PIK3C2G: variants seen among roughly 807,000 people sequenced by gnomAD.
PIK3C2G encodes the protein phosphatidylinositol-4-phosphate 3-kinase catalytic subunit type 2 gamma, also known as phosphatidylinositol 3-kinase C2 domain-containing subunit gamma.
A neutral mutation model predicts 181.1 loss-of-function variants in PIK3C2G; 168 were observed. The observed-to-expected ratio is 0.93, with a 90% confidence interval of 0.82 to 1.05. The LOEUF (loss-of-function observed/expected upper bound fraction) is 1.05. Among genes scored for constraint, PIK3C2G ranks in the 50% least tolerant of loss-of-function variants. The probability of loss-of-function intolerance (pLI) is 0.00; values close to 1 mark genes in which losing one functional copy is unlikely to be tolerated. For missense variants in PIK3C2G, 1,869 were observed against 1,732.8 expected (o/e 1.08, Z -1.40); for synonymous variants, 573 against 592.2 (o/e 0.97, Z 0.47).
intron 5 of PIK3C2G, among the ~76,000 whole-genome samples, chr12:18,296,306 C>A (rs556293820): frequency 1.1e-4 from 16 of 152,158 alleles, no homozygotes; most frequent in African/African-American, 3.9e-4. Context: ...TAAAGTGTCA[C>A]CTGAGGATGT....
Position 18,563,388 on chromosome 12 carries a change from C to A in PIK3C2G, c.3792C>A (p.Ile1264=), listed in dbSNP as rs756898812. The A allele has an allele frequency of 1.2e-6, 2 of 1,611,806 alleles. No individual in the cohort carries two copies. The highest frequency in any genetic ancestry group is 1.7e-6 in the Non-Finnish European group (2 of 1,178,740). The change falls in exon 28 of 33, where the codon ATC becomes ATA. Residue 1264 remains isoleucine (I), a synonymous_variant. Coordinates refer to ENST00000538779, the MANE Select transcript of PIK3C2G (RefSeq NM_001288772.2). ...FSKKSSNLYL[I]QVTHSNNETS... is the part of the protein sequence containing the mutation. Reference sequence around the variant, plus strand: ...TTTACTTTCTGCAGCTGTATCTGATCCAGGTGACACACAGCAACAACGAAA... The same window carrying A: ...TTTACTTTCTGCAGCTGTATCTGATACAGGTGACACACAGCAACAACGAAA...
intron 13 of PIK3C2G, among the ~76,000 whole-genome samples, chr12:18,378,792 T>G (rs1325303308): frequency 6.6e-6 from 1 of 152,076 alleles, no homozygotes; most frequent in African/African-American, 2.4e-5. Context: ...ATCACAGAAA[T>G]GCAAATCAAA....
chr12:18,721,997 A>T, the PIK3C2G span, among the ~76,000 whole-genome samples: 2 of 151,952 alleles, frequency 1.3e-5, no homozygotes, highest in Non-Finnish European at 2.9e-5. Flanking sequence ...TCTCTCTCTC[A>T]TTCTCAAAGT....
chr12:18,667,141 G>T, the PIK3C2G span, among the ~76,000 whole-genome samples: 1 of 152,046 alleles, frequency 6.6e-6, no homozygotes, highest in African/African-American at 2.4e-5. Flanking sequence ...TATTGAAAGG[G>T]GTCTCAAATA....
At chr12:18,592,131 T>C (rs1057232249) in intron 29 of PIK3C2G, among the ~76,000 whole-genome samples, 4 of 151,824 alleles carry the variant, frequency 2.6e-5, no homozygotes, top group Non-Finnish European at 4.4e-5. Flanking sequence ...AAAGATATTT[T>C]GAGATAGAAG....
intron 1 of PIK3C2G, among the ~76,000 whole-genome samples, chr12:18,275,030 T>C (rs1258374698): frequency 6.6e-6 from 1 of 152,218 alleles, no homozygotes; most frequent in Non-Finnish European, 1.5e-5. Flanking sequence ...CCAGTATTTA[T>C]TTTTAAAAGT....
intron 1 of PIK3C2G, among the ~76,000 whole-genome samples, chr12:18,269,912 CTTT>C (rs367550750): frequency 7.3e-6 from 1 of 136,926 alleles, no homozygotes. Flanking sequence ...TTTTTCTTTT[CTTT>C]TTTTTTTTTT....
At chr12:18,579,718 C>A (rs935413136) in intron 29 of PIK3C2G, among the ~76,000 whole-genome samples, 5 of 151,998 alleles carry the variant, frequency 3.3e-5, no homozygotes, top group Non-Finnish European at 7.4e-5. Flanking sequence ...AGCTTTTTTT[C>A]TTTCAGTGTT....
chr12:18,686,872 T>G, the PIK3C2G span, among the ~76,000 whole-genome samples: 1 of 152,094 alleles, frequency 6.6e-6, no homozygotes, highest in Non-Finnish European at 1.5e-5. Context: ...ATGAACCAAA[T>G]TGAATTTCTG....
chr12:18,252,535 CA>C (rs1948105213), intron 1 of PIK3C2G, among the ~76,000 whole-genome samples: 1 of 152,042 alleles, frequency 6.6e-6, no homozygotes, highest in South Asian at 2.1e-4. Context: ...AATGAAAACC[CA>C]AAGAAATAGA....
chr12:18,295,502 C>T (rs542095386), intron 5 of PIK3C2G, among the ~76,000 whole-genome samples: 138 of 150,790 alleles, frequency 9.2e-4, no homozygotes, highest in African/African-American at 3.3e-3. Context: ...GACAGAAATT[C>T]GGAAAAGTAT....
intron 28 of PIK3C2G, among the ~76,000 whole-genome samples, chr12:18,564,340 G>T (rs1304179664): frequency 3.3e-5 from 5 of 151,476 alleles, no homozygotes; most frequent in African/African-American, 1.2e-4. Context: ...AGGTTAATCA[G>T]ATGTTTTATC....
chr12:18,631,818 A>G (rs1423033509), intron 31 of PIK3C2G, among the ~76,000 whole-genome samples: 2 of 152,160 alleles, frequency 1.3e-5, no homozygotes, highest in Non-Finnish European at 2.9e-5. Context: ...TGGAACAGTG[A>G]GGAGGAATAG....
chr12:18,417,483 A>T (rs2135679590), intron 16 of PIK3C2G, among the ~76,000 whole-genome samples: 1 of 152,242 alleles, frequency 6.6e-6, no homozygotes, highest in African/African-American at 2.4e-5. Context: ...TTCAAGCTTC[A>T]TTGTTGCCTT....
At chr12:18,611,234 A>G (rs1383414928) in intron 31 of PIK3C2G, among the ~76,000 whole-genome samples, 3 of 152,072 alleles carry the variant, frequency 2.0e-5, no homozygotes, top group Admixed American at 6.5e-5. Context: ...GTTATAGGTA[A>G]ATAGAAAATG....
chr12:18,616,645 C>G (rs1238327108), intron 31 of PIK3C2G, among the ~76,000 whole-genome samples: 2 of 152,006 alleles, frequency 1.3e-5, no homozygotes, highest in Non-Finnish European at 2.9e-5. Context: ...TTTATTCTCT[C>G]TCTGTTCTTT....
chr12:18,578,936 T>G (rs76027693), intron 29 of PIK3C2G, among the ~76,000 whole-genome samples: 2,041 of 152,222 alleles, frequency 0.013, 52 homozygotes, highest in African/African-American at 0.046. Flanking sequence ...TCTCCTAAAA[T>G]GTTTTTCACA....
chr12:18,293,956 C>T lies in PIK3C2G; in HGVS notation c.975C>T (p.Asp325=), dbSNP rs769869973. 4 of 1,600,440 alleles carry T rather than the reference C, an allele frequency of 2.5e-6. No individual in the cohort carries two copies. The highest frequency in any genetic ancestry group is 3.4e-6 in the Non-Finnish European group (4 of 1,167,874). The stretch of plus-strand genomic sequence containing the variant: ...AAATTCTGCATTTTTGCACAAATGA[C>T]CAGCTACTCCCCAAAGATCATATTC... ...IAEILHFCTN[D]QLLPKDHILS... The change falls in exon 5 of 33, where the codon GAC becomes GAT. Residue 325 remains aspartate, a synonymous_variant. Transcript: ENST00000538779.
intron 30 of PIK3C2G, among the ~76,000 whole-genome samples, chr12:18,601,858 G>C (rs561758472): frequency 7.2e-5 from 11 of 152,246 alleles, no homozygotes; most frequent in African/African-American, 2.6e-4. Context: ...GGGAAATACA[G>C]GGGTAGAGGA....
Sources: gnomAD v4.1 joint callset for allele counts (sites outside exome capture counted in the v4.1 genomes callset) on GRCh38, gnomAD v4.1.1 for gene constraint, MANE v1.5 for transcripts, NCBI Gene and HGNC (gene_info 2026-07-23, HGNC 2026-07-21) for gene names.